The following ESRRG variants were observed in gnomAD, a reference collection of about 807,000 sequenced individuals.
The protein encoded by ESRRG is estrogen-related receptor gamma.
A neutral mutation model predicts 44.0 loss-of-function variants in ESRRG; 13 were observed. The ratio of observed to expected loss-of-function variants is 0.30; its 90% CI spans 0.19 to 0.47. The LOEUF (loss-of-function observed/expected upper bound fraction) is 0.47, where lower values mean the gene tolerates loss of function less well. Among genes scored for constraint, ESRRG ranks in the 20% least tolerant of loss-of-function variants. ESRRG has a pLI of 1.00. For missense variants in ESRRG, 395 were observed against 580.6 expected (o/e 0.68, Z 3.29); for synonymous variants, 215 against 214.6 (o/e 1.00, Z -0.02).
In ESRRG at chr1:216,591,722, G is replaced by A. The variant is rs116341451; in HGVS notation, c.590-23624C>T. Among the ~76,000 whole-genome samples, 197 of 152,256 alleles carry A rather than the reference G, an allele frequency of 1.3e-3. 1 individual carries two copies. Among genetic ancestry groups the A allele is most frequent in the African/African-American group, 4.5e-3 (188 of 41,542 alleles). ...ATGGGGATGTGTCAATAAGTCACAA[G>A]AAGGCAGCTTGAAGGGGCTCTCTCT... On this transcript the variant is annotated intron_variant, in intron 3 of 6. Coordinates refer to ENST00000408911, the MANE Select transcript of ESRRG (RefSeq NM_001438.4).
At chr1:216,992,502 T>C (rs2150534468) in intron 1 of ESRRG, among the ~76,000 whole-genome samples, 1 of 152,318 alleles carries the variant, frequency 6.6e-6, no homozygotes, top group East Asian at 1.9e-4. Flanking sequence ...GTACCCAGCA[T>C]AGTGCCTGAC....
chr1:216,621,153 T>C (rs2062169087), intron 3 of ESRRG, among the ~76,000 whole-genome samples: 1 of 152,198 alleles, frequency 6.6e-6, no homozygotes. Context: ...AAATTTTGCT[T>C]ACTTATTCTA....
In ESRRG at chr1:216,743,819, A is replaced by G. The variant is rs867260464; in HGVS notation, c.-13-66328T>C. ...ACATCATTTAGTTCATCTGAACCTC[A>G]CAATCATCTCAGTAACATTCTAATT... On this transcript the variant is annotated intron_variant, in intron 2 of 7. Coordinates refer to the ESRRG transcript ENST00000359162. Among the ~76,000 whole-genome samples, 4 of 152,242 alleles carry G rather than the reference A, an allele frequency of 2.6e-5. No homozygotes were observed. In the South Asian group the frequency reaches 6.2e-4, roughly 24 times the overall value.
At chr1:216,818,506 A>G (rs1018671843) in intron 2 of ESRRG, among the ~76,000 whole-genome samples, 4 of 152,238 alleles carry the variant, frequency 2.6e-5, no homozygotes, top group African/African-American at 4.8e-5. Flanking sequence ...GCCCTGTTCA[A>G]CAAGATGCCT....
chr1:216,712,848 T>C (rs2083919537), intron 1 of ESRRG, among the ~76,000 whole-genome samples: 1 of 152,184 alleles, frequency 6.6e-6, no homozygotes, highest in Admixed American at 6.5e-5. Context: ...TTAGTGAAAA[T>C]TTAATAAACC....
At chr1:216,801,931 C>T (rs944665965) in intron 2 of ESRRG, among the ~76,000 whole-genome samples, 1 of 152,122 alleles carries the variant, frequency 6.6e-6, no homozygotes, top group African/African-American at 2.4e-5. Flanking sequence ...CTCAAAAATA[C>T]TCTGCAGATG....
At chr1:216,699,787 A>C (rs1444231955) in intron 1 of ESRRG, among the ~76,000 whole-genome samples, 1 of 152,192 alleles carries the variant, frequency 6.6e-6, no homozygotes. Context: ...CTTGCTGAAA[A>C]AGTCAGGGAG....
intron 4 of ESRRG, 83 bp downstream of exon 4, chr1:216,567,905 A>G: frequency 1.2e-6 from 1 of 838,346 alleles, no homozygotes; most frequent in Admixed American, 1.8e-5. Context: ...GTCAGTAGGG[A>G]TGGGCATGCC....
intron 1 of ESRRG, among the ~76,000 whole-genome samples, chr1:216,979,926 A>C (rs895421423): frequency 5.9e-5 from 9 of 152,166 alleles, no homozygotes; most frequent in Admixed American, 1.3e-4. Context: ...CTAAAGCTCC[A>C]AAACCTCCAG....
chr1:217,045,656 G>A (rs1181048276), intron 1 of ESRRG, among the ~76,000 whole-genome samples: 6 of 152,168 alleles, frequency 3.9e-5, no homozygotes, highest in Non-Finnish European at 5.9e-5. Context: ...GGGATAGCAC[G>A]TGTGGCTCTT....
At chr1:216,650,455 T>C (rs865831370) in intron 3 of ESRRG, among the ~76,000 whole-genome samples, 1 of 152,192 alleles carries the variant, frequency 6.6e-6, no homozygotes, top group South Asian at 2.1e-4. Flanking sequence ...CATGTCACTG[T>C]TGCTATTTTA....
intron 1 of ESRRG, among the ~76,000 whole-genome samples, chr1:217,133,571 GGAAA>G (rs1231826543): frequency 6.6e-6 from 1 of 152,042 alleles, no homozygotes; most frequent in African/African-American, 2.4e-5. Flanking sequence ...TGAACAAGGT[GGAAA>G]GAAAGACAGC....
rs540423143 is a variant in ESRRG at position 216,554,443 on chromosome 1, A to T, written c.862+9776T>A. On this transcript the variant is annotated intron_variant, in intron 5 of 6. Transcript: ENST00000408911. The stretch of plus-strand genomic sequence containing the variant: ...CACTCCAGCCTGGGCGACAAGAGTG[A>T]CTCTGTCTCAAAAAAAAAAAAACAA... Among the ~76,000 whole-genome samples, 12 of 124,788 alleles carry T rather than the reference A, an allele frequency of 9.6e-5. No homozygotes were observed. The East Asian group carries it at 2.0e-3, about 21-fold the overall frequency. The allele number at this position is 124,788 out of a possible 152,430, so 81.9% of individuals were successfully genotyped here. A position where few individuals can be genotyped will look rare whatever the true frequency, so the allele number is the denominator to read the frequency against.
intron 2 of ESRRG, among the ~76,000 whole-genome samples, chr1:216,821,204 C>T (rs1224732294): frequency 6.6e-6 from 1 of 152,176 alleles, no homozygotes; most frequent in Admixed American, 6.6e-5. Context: ...CCTTCCAGGA[C>T]AAATGTGTCC....
At chr1:216,565,743 C>T (rs1218964958) in intron 4 of ESRRG, among the ~76,000 whole-genome samples, 26 of 151,892 alleles carry the variant, frequency 1.7e-4, no homozygotes, top group Admixed American at 2.6e-4. Flanking sequence ...CCAAATACTA[C>T]GTTGACTAGA....
At chr1:216,771,284 T>C (rs2093367665) in intron 2 of ESRRG, among the ~76,000 whole-genome samples, 1 of 152,188 alleles carries the variant, frequency 6.6e-6, no homozygotes, top group Admixed American at 6.5e-5. Context: ...AGATGCTCAA[T>C]AATGCTTTAG....
At chr1:216,968,124 T>C (rs965945642) in intron 1 of ESRRG, among the ~76,000 whole-genome samples, 1 of 152,202 alleles carries the variant, frequency 6.6e-6, no homozygotes, top group African/African-American at 2.4e-5. Flanking sequence ...GAGTTCTTTG[T>C]ATATTTTGGA....
At chr1:216,606,831 A>C (rs532632211) in intron 3 of ESRRG, among the ~76,000 whole-genome samples, 1 of 152,194 alleles carries the variant, frequency 6.6e-6, no homozygotes, top group East Asian at 1.9e-4. Flanking sequence ...AATTATTTTA[A>C]CTCTTCATTG....
intron 2 of ESRRG, among the ~76,000 whole-genome samples, chr1:216,877,066 T>C (rs186355078): frequency 6.3e-4 from 95 of 151,492 alleles, no homozygotes; most frequent in Non-Finnish European, 8.5e-4. Flanking sequence ...CACAAAACAA[T>C]ATTTGCCCTA....
Sources: allele counts gnomAD v4.1 joint callset (sites outside exome capture counted in the v4.1 genomes callset), GRCh38; gene constraint gnomAD v4.1.1; transcripts MANE v1.5; gene names NCBI Gene and HGNC (gene_info 2026-07-23, HGNC 2026-07-21).